Variants in CELF2 observed in about 807,000 individuals in gnomAD.
The protein encoded by CELF2 is CUGBP Elav-like family member 2, also known as CUG triplet repeat RNA-binding protein 2.
CELF2 carries 8 observed loss-of-function variants against 62.6 expected under a neutral mutation model. The ratio of observed to expected loss-of-function variants is 0.13; its 90% CI spans 0.07 to 0.23. The LOEUF is 0.23. Ranked by LOEUF, CELF2 falls within the 10% of genes least tolerant of loss-of-function variation. CELF2 has a pLI of 1.00. For synonymous variants in CELF2, 258 were observed against 250.0 expected (o/e 1.03, Z -0.30); for missense variants, 333 against 671.0 (o/e 0.50, Z 5.56).
intron 3 of CELF2, among the ~76,000 whole-genome samples, chr10:11,230,357 A>T (rs934112111): frequency 5.3e-5 from 8 of 152,184 alleles, no homozygotes; most frequent in Non-Finnish European, 4.4e-5. Flanking sequence ...AAGTTTGAGA[A>T]GTGCTGTTCT....
At chr10:10,499,554 T>C in the CELF2 span, among the ~76,000 whole-genome samples, 1 of 152,036 alleles carries the variant, frequency 6.6e-6, no homozygotes, top group Admixed American at 6.6e-5. Context: ...GTGGAGCTTT[T>C]AATGGGAAAC....
rs56364371 is a variant in CELF2 at position 11,032,146 on chromosome 10, C to CAAAAAAAAAAAAAAAAAAAA, written c.74+13989_74+14008dup. Among the ~76,000 whole-genome samples the CAAAAAAAAAAAAAAAAAAAA allele has an allele frequency of 4.7e-4, 41 of 86,390 alleles. 3 individuals are homozygous for CAAAAAAAAAAAAAAAAAAAA. Among genetic ancestry groups the CAAAAAAAAAAAAAAAAAAAA allele is most frequent in the Non-Finnish European group, 8.3e-4 (32 of 38,730 alleles). The allele number at this position is 86,390 out of a possible 152,430, so 56.7% of individuals were successfully genotyped here. A position where few individuals can be genotyped will look rare whatever the true frequency, so the allele number is the denominator to read the frequency against. On this transcript the variant is annotated intron_variant, in intron 1 of 12. Coordinates refer to ENST00000633077, the MANE Select transcript of CELF2 (RefSeq NM_001326342.2). The stretch of plus-strand genomic sequence containing the variant: ...CTCCCAGCTCCACATAGGGCTTAGC[C>CAAAAAAAAAAAAAAAAAAAA]AAAAAAAAAAAAAAAAAAAAAAAAA...
At chr10:10,988,246 G>C (rs965291116) in intron 2 of CELF2, among the ~76,000 whole-genome samples, 1 of 149,996 alleles carries the variant, frequency 6.7e-6, no homozygotes, top group African/African-American at 2.5e-5. Flanking sequence ...TAGATATATA[G>C]ATATACACAC....
intron 1 of CELF2, among the ~76,000 whole-genome samples, chr10:11,050,544 A>G (rs1239965710): frequency 1.3e-5 from 2 of 152,206 alleles, no homozygotes; most frequent in South Asian, 2.1e-4. Context: ...GGAGCCAGTC[A>G]TCTTGGATTC....
the CELF2 span, among the ~76,000 whole-genome samples, chr10:10,504,404 T>C: frequency 6.6e-6 from 1 of 152,172 alleles, no homozygotes; most frequent in Non-Finnish European, 1.5e-5. Context: ...TTCTGGCTTC[T>C]GTAGTTGCTG....
At chr10:11,105,876 A>C (rs1424356826) in intron 1 of CELF2, among the ~76,000 whole-genome samples, 1 of 152,082 alleles carries the variant, frequency 6.6e-6, no homozygotes, top group Non-Finnish European at 1.5e-5. Flanking sequence ...GTCACACTCC[A>C]CCTCATACCC....
At position 11,336,300 on chromosome 10, in the gene CELF2, TGTA is replaced by T. The variant is rs2096117833; in HGVS notation, c.*7250_*7252del. ...TGCTGTTGTTGTTTTTCATCTCTGT[TGTA>T]GTTCACTATTTTTGCTGTGTTCTGT... On this transcript the variant is annotated 3_prime_UTR_variant, in exon 13 of 13. Transcript: ENST00000633077. This position sits in a 1 kb window ranked among gnomAD's most constrained non-coding sequence, Gnocchi z 5.4. The T allele has an allele frequency of 6.5e-6, 1 of 152,822 alleles. No homozygotes were observed. Among genetic ancestry groups the T allele is most frequent in the Admixed American group, 6.5e-5 (1 of 15,308 alleles). The allele number at this position is 152,822 out of a possible 1,614,324, so 9.5% of individuals were successfully genotyped here. A position where few individuals can be genotyped will look rare whatever the true frequency, so the allele number is the denominator to read the frequency against.
chr10:11,143,229 C>A (rs181678138), intron 1 of CELF2, among the ~76,000 whole-genome samples: 1 of 152,204 alleles, frequency 6.6e-6, no homozygotes, highest in African/African-American at 2.4e-5. Flanking sequence ...CCTTATCCCA[C>A]CAATTCTTAA....
At chr10:10,604,414 T>G in the CELF2 span, among the ~76,000 whole-genome samples, 339 of 152,318 alleles carry the variant, frequency 2.2e-3, 2 homozygotes, top group African/African-American at 7.8e-3. Flanking sequence ...TTTTATCTCC[T>G]GGAGAAAGAG....
upstream of CELF2, among the ~76,000 whole-genome samples, chr10:11,017,727 G>A (rs565002021): frequency 1.3e-5 from 2 of 152,126 alleles, no homozygotes; most frequent in Non-Finnish European, 2.9e-5. This position sits in a 1 kb window ranked among gnomAD's most constrained non-coding sequence, Gnocchi z 5.5. Context: ...GGGCCCAGGG[G>A]ACCCTGAGAA....
the CELF2 span, among the ~76,000 whole-genome samples, chr10:10,739,026 A>G: frequency 6.6e-6 from 1 of 152,210 alleles, no homozygotes; most frequent in African/African-American, 2.4e-5. Context: ...CAACTCTTCT[A>G]AAAATTAAAG....
chr10:10,912,601 C>T (rs1210748386), intron 1 of CELF2, among the ~76,000 whole-genome samples: 1 of 152,166 alleles, frequency 6.6e-6, no homozygotes, highest in African/African-American at 2.4e-5. Flanking sequence ...ATCTCTTGAC[C>T]TTGTGATCTG....
Position 11,264,925 on chromosome 10 carries a change from C to T in CELF2, c.539-1673C>T, listed in dbSNP as rs377709200. ...TCTTCAAGCCAGCTTAGCCAGGAGG[C>T]GAATGTGAGATGAGTTTCTCATGTA... On this transcript the variant is annotated intron_variant, in intron 5 of 12. Coordinates refer to ENST00000633077, the MANE Select transcript of CELF2 (RefSeq NM_001326342.2). 4.6e-5 allele frequency among the ~76,000 whole-genome samples: 7 copies of T among 152,222 alleles called. No individual in the cohort carries two copies. The East Asian group carries it at 1.2e-3, about 25-fold the overall frequency.
At chr10:11,086,412 C>T (rs113085022) in intron 1 of CELF2, among the ~76,000 whole-genome samples, 10 of 151,908 alleles carry the variant, frequency 6.6e-5, no homozygotes, top group African/African-American at 1.7e-4. Context: ...GCTGCCTACC[C>T]GGGTCTGATA....
At chr10:10,595,529 A>G in the CELF2 span, among the ~76,000 whole-genome samples, 1 of 152,178 alleles carries the variant, frequency 6.6e-6, no homozygotes, top group African/African-American at 2.4e-5. Context: ...ATGGGGTGGA[A>G]GCAGCTTTCC....
chr10:11,040,363 T>G (rs2061620646), intron 1 of CELF2, among the ~76,000 whole-genome samples: 1 of 152,196 alleles, frequency 6.6e-6, no homozygotes, highest in Admixed American at 6.5e-5. Context: ...GTTCCTAATC[T>G]GCTATAATAA....
the CELF2 span, among the ~76,000 whole-genome samples, chr10:10,747,571 G>C: frequency 6.6e-6 from 1 of 152,238 alleles, no homozygotes; most frequent in Admixed American, 6.5e-5. Flanking sequence ...CAGGGATACA[G>C]AGCTAAAAAG....
the CELF2 span, among the ~76,000 whole-genome samples, chr10:10,765,225 C>T: frequency 4.6e-5 from 7 of 152,362 alleles, no homozygotes; most frequent in Middle Eastern, 3.4e-3. Flanking sequence ...AATTGCCCCA[C>T]GCTTCTGAAT....
chr10:10,665,164 T>C, the CELF2 span, among the ~76,000 whole-genome samples: 1 of 152,162 alleles, frequency 6.6e-6, no homozygotes, highest in African/African-American at 2.4e-5. Context: ...GAAAAATTAA[T>C]GTTAAACTGA....
Sources: gnomAD v4.1 joint callset for allele counts (sites outside exome capture counted in the v4.1 genomes callset) on GRCh38, gnomAD v4.1.1 for gene constraint, Gnocchi (gnomAD v3.1) non-coding constraint, MANE v1.5 for transcripts, NCBI Gene and HGNC (gene_info 2026-07-23, HGNC 2026-07-21) for gene names.